The following MAGI2 variants were observed in gnomAD, a reference collection of about 807,000 sequenced individuals.
MAGI2 encodes the protein membrane-associated guanylate kinase, WW and PDZ domain-containing protein 2.
Under a neutral mutation model 133.3 loss-of-function variants are expected in MAGI2, and 35 were observed. That is an observed-to-expected ratio of 0.26 (90% CI 0.20 to 0.35). MAGI2 has a LOEUF of 0.35. Among genes scored for constraint, MAGI2 ranks in the 10% least tolerant of loss-of-function variants. The probability of loss-of-function intolerance (pLI) is 1.00; values close to 1 mark genes in which losing one functional copy is unlikely to be tolerated. For synonymous variants in MAGI2, 729 were observed against 710.6 expected (o/e 1.03, Z -0.41); for missense variants, 1,636 against 1,863.4 (o/e 0.88, Z 2.25).
At chr7:79,190,399 C>T (rs1222281277) in intron 1 of MAGI2, among the ~76,000 whole-genome samples, 2 of 151,806 alleles carry the variant, frequency 1.3e-5, no homozygotes, top group South Asian at 2.1e-4. Flanking sequence ...GTTTCATATG[C>T]TTATTTGCCA....
intron 6 of MAGI2, among the ~76,000 whole-genome samples, chr7:78,442,445 C>CT (rs1470384257): frequency 2.6e-5 from 4 of 152,130 alleles, no homozygotes; most frequent in African/African-American, 9.7e-5. Flanking sequence ...CTAGAATGAC[C>CT]TTCTTTGGAG....
rs917523790 is a variant in MAGI2 at position 78,783,772 on chromosome 7, C to T, written c.419-156533G>A. ...TTTGTAGACAGCAGTGCTGTACTGA[C>T]GAACACCTGTGTACATTGTTAAATA... On this transcript the variant is annotated intron_variant, in intron 2 of 21. Transcript: ENST00000354212. Among the ~76,000 whole-genome samples the T allele has an allele frequency of 4.6e-5, 7 of 152,136 alleles. No homozygotes were observed. The East Asian group carries it at 5.8e-4, about 13-fold the overall frequency.
intron 10 of MAGI2, among the ~76,000 whole-genome samples, chr7:78,217,990 A>G (rs1788434402): frequency 6.6e-6 from 1 of 152,228 alleles, no homozygotes; most frequent in Non-Finnish European, 1.5e-5. Context: ...TACTTAGGAA[A>G]AAAAGTTGGA....
intron 20 of MAGI2, among the ~76,000 whole-genome samples, chr7:78,112,783 G>A (rs1041122181): frequency 6.6e-6 from 1 of 152,212 alleles, no homozygotes; most frequent in Non-Finnish European, 1.5e-5. Flanking sequence ...CTCTTGCAGA[G>A]CTTATGCTCT....
intron 9 of MAGI2, among the ~76,000 whole-genome samples, chr7:78,286,428 G>A (rs1161564952): frequency 2.6e-5 from 4 of 152,072 alleles, no homozygotes; most frequent in African/African-American, 4.8e-5. Context: ...GGAATATGGC[G>A]ATTTACTATT....
At chr7:78,724,005 G>A (rs1013575587) in intron 2 of MAGI2, among the ~76,000 whole-genome samples, 2 of 152,108 alleles carry the variant, frequency 1.3e-5, no homozygotes, top group African/African-American at 4.8e-5. Context: ...AAATAGCAGG[G>A]GTGTGGTCTA....
chr7:78,187,357 G>T (rs1376170613), intron 12 of MAGI2, among the ~76,000 whole-genome samples: 1 of 151,968 alleles, frequency 6.6e-6, no homozygotes, highest in Non-Finnish European at 1.5e-5. Flanking sequence ...TTCCTTAAGA[G>T]CATTTACAGA....
intron 16 of MAGI2, among the ~76,000 whole-genome samples, chr7:78,155,007 A>G (rs923790021): frequency 6.6e-6 from 1 of 152,222 alleles, no homozygotes; most frequent in African/African-American, 2.4e-5. Context: ...CAGTTAGTCA[A>G]TGGCAGAAAA....
chr7:78,170,022 T>C (rs1825970069), intron 14 of MAGI2, among the ~76,000 whole-genome samples: 1 of 152,236 alleles, frequency 6.6e-6, no homozygotes, highest in South Asian at 2.1e-4. Context: ...CACTGTCCCA[T>C]GAAAAGGTGC....
chr7:78,485,902 T>C (rs1792947286), intron 6 of MAGI2: 1 of 152,124 alleles, frequency 6.6e-6, no homozygotes, highest in African/African-American at 2.4e-5. Context: ...GAGTAGCTTA[T>C]TAGACATGAG....
At chr7:79,000,593 T>C (rs1248940222) in intron 2 of MAGI2, among the ~76,000 whole-genome samples, 1 of 152,234 alleles carries the variant, frequency 6.6e-6, no homozygotes, top group African/African-American at 2.4e-5. Flanking sequence ...AAGGGGATGC[T>C]GACTCCTTGC....
chr7:78,557,985 T>A lies in MAGI2; in HGVS notation c.539-36340A>T, dbSNP rs79423982. 1.6e-3 allele frequency among the ~76,000 whole-genome samples: 219 copies of A among 139,282 alleles called. 1 individual carries two copies. The highest frequency in any genetic ancestry group is 5.6e-3 in the African/African-American group (202 of 36,142). 91.4% of individuals were successfully genotyped at this position (139,282 alleles called of 152,430 possible). On this transcript the variant is annotated intron_variant, in intron 3 of 21. Coordinates refer to ENST00000354212, the MANE Select transcript of MAGI2 (RefSeq NM_012301.4). Reference sequence around the variant, plus strand: ...TACTTTATTGGAACTCTTTTTTTTTTTTAAAAAATAGTTGATTGTGTATGT... The same window carrying A: ...TACTTTATTGGAACTCTTTTTTTTTATTAAAAAATAGTTGATTGTGTATGT...
chr7:78,866,774 G>A (rs955239187), intron 2 of MAGI2, among the ~76,000 whole-genome samples: 1 of 151,970 alleles, frequency 6.6e-6, no homozygotes, highest in African/African-American at 2.4e-5. Context: ...ATACTCAGAT[G>A]GACAGAAAGG....
At chr7:78,486,648 T>A (rs1313621937) in intron 6 of MAGI2, 3 of 347,934 alleles carry the variant, frequency 8.6e-6, no homozygotes, top group Non-Finnish European at 1.7e-5. Flanking sequence ...CAGTCCCTTA[T>A]CTGGTATGTG....
chr7:79,171,770 A>ATATATATATATATATTTTTTTTTTTTTT, intron 1 of MAGI2, among the ~76,000 whole-genome samples: 2 of 31,204 alleles, frequency 6.4e-5, no homozygotes, highest in Non-Finnish European at 1.1e-4. Context: ...ATATATATAT[A>ATATATATATATATATTTTTTTTTTTTTT]TTTTTTTTTT....
chr7:78,290,518 G>A (rs1409770250), intron 9 of MAGI2, among the ~76,000 whole-genome samples: 1 of 152,132 alleles, frequency 6.6e-6, no homozygotes, highest in Non-Finnish European at 1.5e-5. Context: ...ACACCCCACT[G>A]TCAACATTAG....
intron 3 of MAGI2, chr7:78,567,841 T>A (rs1037609571): frequency 6.6e-6 from 1 of 152,234 alleles, no homozygotes; most frequent in African/African-American, 2.4e-5. Context: ...AAACTCCCTA[T>A]GGGAAGTCCA....
intron 1 of MAGI2, among the ~76,000 whole-genome samples, chr7:79,159,517 C>CAAAAAAAA (rs57296916): frequency 9.3e-6 from 1 of 107,384 alleles, no homozygotes. Flanking sequence ...GACTCAGTCT[C>CAAAAAAAA]AAAAAAAAAA....
intron 1 of MAGI2, among the ~76,000 whole-genome samples, chr7:79,151,137 T>C (rs2129546974): frequency 6.6e-6 from 1 of 152,288 alleles, no homozygotes; most frequent in African/African-American, 2.4e-5. Flanking sequence ...CGAAGATGGC[T>C]ATGTACTTTC....
Sources: allele counts gnomAD v4.1 joint callset (sites outside exome capture counted in the v4.1 genomes callset), GRCh38; gene constraint gnomAD v4.1.1; transcripts MANE v1.5; gene names NCBI Gene and HGNC (gene_info 2026-07-23, HGNC 2026-07-21).